The following INSC variants were observed in gnomAD, a reference collection of about 807,000 sequenced individuals.
The protein encoded by INSC is protein inscuteable homolog.
A neutral mutation model predicts 58.6 loss-of-function variants in INSC; 67 were observed. That is an observed-to-expected ratio of 1.14 (90% CI 0.94 to 1.40). The LOEUF (loss-of-function observed/expected upper bound fraction) is 1.40. INSC is among the 40% of genes most tolerant of loss of function. The probability of loss-of-function intolerance (pLI) is 0.00; values close to 1 mark genes in which losing one functional copy is unlikely to be tolerated. For missense variants in INSC, 714 were observed against 692.0 expected (o/e 1.03, Z -0.36); for synonymous variants, 262 against 276.1 (o/e 0.95, Z 0.51).
At chr11:15,161,686 C>T (rs187159405) in intron 2 of INSC, among the ~76,000 whole-genome samples, 11 of 152,304 alleles carry the variant, frequency 7.2e-5, no homozygotes, top group African/African-American at 2.6e-4. Context: ...AAAATGTGAA[C>T]TTGGAGTGCT....
intron 6 of INSC, among the ~76,000 whole-genome samples, chr11:15,200,161 A>ACG (rs1167955116): frequency 7.2e-6 from 1 of 139,298 alleles, no homozygotes; most frequent in East Asian, 2.0e-4. Context: ...TATCACACAC[A>ACG]CACACACACA....
intron 6 of INSC, among the ~76,000 whole-genome samples, chr11:15,191,925 A>G (rs1376965858): frequency 6.6e-6 from 1 of 152,236 alleles, no homozygotes; most frequent in African/African-American, 2.4e-5. Flanking sequence ...GCATCAAGAC[A>G]AGATGGCCTC....
In INSC at chr11:15,128,773, C is replaced by T. The variant is rs559523463; in HGVS notation, c.-46+13770C>T. Among the ~76,000 whole-genome samples the T allele has an allele frequency of 1.1e-3, 162 of 152,308 alleles. 1 individual carries two copies. Among genetic ancestry groups the T allele is most frequent in the African/African-American group, 3.3e-3 (139 of 41,558 alleles). Reference sequence around the variant, plus strand: ...ACCCAGAGGTGAGGGGGTAGGCTGGCCCCTGCGCCCAGCTATGCAAAGATT... The same window carrying T: ...ACCCAGAGGTGAGGGGGTAGGCTGGTCCCTGCGCCCAGCTATGCAAAGATT... On this transcript the variant is annotated intron_variant, in intron 1 of 12. Transcript: ENST00000379556.
downstream of INSC, among the ~76,000 whole-genome samples, chr11:15,249,450 G>T (rs1386708666): frequency 6.6e-6 from 1 of 152,210 alleles, no homozygotes; most frequent in Non-Finnish European, 1.5e-5. Flanking sequence ...GAACCAGGAA[G>T]GATGGAGTAG....
chr11:15,163,617 T>G (rs1249866522), intron 2 of INSC, among the ~76,000 whole-genome samples: 2 of 152,160 alleles, frequency 1.3e-5, no homozygotes, highest in Non-Finnish European at 2.9e-5. Context: ...TGAGATGGAG[T>G]CTTGCTCTGT....
At chr11:15,158,297 C>A (rs1422556090) in intron 2 of INSC, among the ~76,000 whole-genome samples, 1 of 151,356 alleles carries the variant, frequency 6.6e-6, no homozygotes, top group Non-Finnish European at 1.5e-5. Flanking sequence ...CATTCGAGAT[C>A]TTTGATCAAC....
intron 9 of INSC, among the ~76,000 whole-genome samples, chr11:15,229,660 C>A (rs1392624120): frequency 2.0e-5 from 3 of 151,782 alleles, no homozygotes; most frequent in African/African-American, 7.3e-5. Context: ...GGGATGGGTT[C>A]TCTAACAGAA....
At chr11:15,169,335 C>T (rs184995811) in intron 2 of INSC, among the ~76,000 whole-genome samples, 72 of 152,294 alleles carry the variant, frequency 4.7e-4, no homozygotes, top group Admixed American at 1.2e-3. Flanking sequence ...GAGAGAACAA[C>T]TTCCACCCAT....
chr11:15,220,767 A>G (rs1243746259), intron 7 of INSC, among the ~76,000 whole-genome samples: 1 of 152,240 alleles, frequency 6.6e-6, no homozygotes, highest in Admixed American at 6.5e-5. Flanking sequence ...TGCCAAGAGC[A>G]GATCTGACCC....
intron 10 of INSC, among the ~76,000 whole-genome samples, chr11:15,237,715 C>CA (rs1324807982): frequency 2.0e-5 from 3 of 152,064 alleles, no homozygotes; most frequent in Non-Finnish European, 4.4e-5. Context: ...TAGATGCCTA[C>CA]AAAACTCAGA....
chr11:15,242,951 C>G (rs1852414833), intron 12 of INSC, among the ~76,000 whole-genome samples: 1 of 152,220 alleles, frequency 6.6e-6, no homozygotes, highest in African/African-American at 2.4e-5. Flanking sequence ...CATGCTCTTT[C>G]TCTCCCACTC....
rs547025852 is a variant in INSC, at chr11:15,200,907, C to G, written c.777C>G (p.Ala259=). ...CLYPQALRTL[A]SICCVEEGVH... ...ACCCCCAGGCGCTCCGCACGCTGGC[C>G]TCCATCTGCTGCGTGGAAGAGGGTG... The change falls in exon 7 of 13, where the codon GCC becomes GCG. Residue 259 remains alanine (A), a synonymous_variant. Transcript: ENST00000379556. The G allele has an allele frequency of 2.9e-5, 47 of 1,613,230 alleles. No individual in the cohort carries two copies. In the South Asian group the frequency reaches 4.7e-4, roughly 16 times the overall value.
chr11:15,185,344 C>T (rs1849925131), intron 5 of INSC, among the ~76,000 whole-genome samples: 1 of 152,050 alleles, frequency 6.6e-6, no homozygotes, highest in Non-Finnish European at 1.5e-5. Context: ...AGTCAATATT[C>T]AATCACGGAT....
At chr11:15,135,101 G>T (rs1485483643) in intron 1 of INSC, among the ~76,000 whole-genome samples, 1 of 152,110 alleles carries the variant, frequency 6.6e-6, no homozygotes, top group Non-Finnish European at 1.5e-5. Flanking sequence ...GGAATTACTT[G>T]GAGATAGAAA....
intron 1 of INSC, among the ~76,000 whole-genome samples, chr11:15,120,998 G>C (rs1015129202): frequency 1.3e-4 from 20 of 150,832 alleles, no homozygotes; most frequent in African/African-American, 4.6e-4. Context: ...TATTTTTATT[G>C]TTTATATAAC....
At chr11:15,141,053 G>T (rs978157925) in intron 1 of INSC, among the ~76,000 whole-genome samples, 7 of 152,134 alleles carry the variant, frequency 4.6e-5, no homozygotes, top group African/African-American at 1.4e-4. Flanking sequence ...AAACACCTAA[G>T]AAGTGTTTCT....
At chr11:15,165,061 GGTCTTACAGCT>G (rs1849148766) in intron 2 of INSC, among the ~76,000 whole-genome samples, 1 of 152,186 alleles carries the variant, frequency 6.6e-6, no homozygotes, top group African/African-American at 2.4e-5. Flanking sequence ...ATACCGAGCA[GGTCTTACAGCT>G]GTTGGTGGTT....
chr11:15,265,273 C>A, the INSC span, among the ~76,000 whole-genome samples: 2 of 152,040 alleles, frequency 1.3e-5, no homozygotes, highest in African/African-American at 4.8e-5. Context: ...TCTGCAGTGT[C>A]TGCTGGTCAT....
At chr11:15,131,328 T>A (rs927537268) in intron 1 of INSC, among the ~76,000 whole-genome samples, 1 of 152,108 alleles carries the variant, frequency 6.6e-6, no homozygotes, top group Admixed American at 6.5e-5. Context: ...GGGGTATTTA[T>A]GTTGGGGTAG....
Sources: allele counts gnomAD v4.1 joint callset (sites outside exome capture counted in the v4.1 genomes callset), GRCh38; gene constraint gnomAD v4.1.1; transcripts MANE v1.5; gene names NCBI Gene and HGNC (gene_info 2026-07-23, HGNC 2026-07-21).